SDK1: variants seen among roughly 807,000 people sequenced by gnomAD.
SDK1 encodes the protein protein sidekick-1.
In SDK1, 157 loss-of-function variants were observed where a neutral mutation model predicts 245.5. The ratio of observed to expected loss-of-function variants is 0.64; its 90% CI spans 0.56 to 0.73. The LOEUF (loss-of-function observed/expected upper bound fraction) is 0.73. Among genes scored for constraint, SDK1 ranks in the 30% least tolerant of loss-of-function variants. The pLI is 0.00. For missense variants in SDK1, 3,583 were observed against 3,002.3 expected (o/e 1.19, Z -4.52); for synonymous variants, 1,647 against 1,278.5 (o/e 1.29, Z -6.15).
chr7:4,226,561 C>T (rs1029851798), intron 40 of SDK1, among the ~76,000 whole-genome samples: 1 of 152,216 alleles, frequency 6.6e-6, no homozygotes, highest in Non-Finnish European at 1.5e-5. Flanking sequence ...GAAATTAGCA[C>T]CAGGCTAGAA....
At chr7:3,457,675 C>T (rs1308886279) in intron 1 of SDK1, among the ~76,000 whole-genome samples, 1 of 152,108 alleles carries the variant, frequency 6.6e-6, no homozygotes, top group African/African-American at 2.4e-5. Context: ...ATTTCCTTTT[C>T]CTTTTCTTCC....
At chr7:3,347,481 G>C (rs757204003) in intron 1 of SDK1, among the ~76,000 whole-genome samples, 1 of 152,160 alleles carries the variant, frequency 6.6e-6, no homozygotes, top group Non-Finnish European at 1.5e-5. Flanking sequence ...GATTACTACA[G>C]TCAAGGCTCC....
intron 2 of SDK1, among the ~76,000 whole-genome samples, chr7:3,625,929 C>G (rs1449507255): frequency 1.6e-5 from 2 of 127,766 alleles, no homozygotes; most frequent in Non-Finnish European, 3.3e-5. Flanking sequence ...ATTTTTCTTT[C>G]TTTCTTTTCT....
intron 1 of SDK1, among the ~76,000 whole-genome samples, chr7:3,523,837 C>G (rs986543451): frequency 6.6e-6 from 1 of 152,160 alleles, no homozygotes; most frequent in Non-Finnish European, 1.5e-5. Flanking sequence ...TTCATCTTCA[C>G]CAAGCAGTCT....
intron 5 of SDK1, among the ~76,000 whole-genome samples, chr7:3,910,177 C>T (rs756581762): frequency 1.8e-4 from 27 of 152,176 alleles, no homozygotes; most frequent in Non-Finnish European, 2.5e-4. Context: ...GAATGTGCAG[C>T]GCTTGGTGCC....
intron 2 of SDK1, among the ~76,000 whole-genome samples, chr7:3,630,089 A>G (rs1263948739): frequency 6.6e-6 from 1 of 152,232 alleles, no homozygotes; most frequent in South Asian, 2.1e-4. Context: ...TAAAAGGCAG[A>G]TAGAAAAAAA....
intron 1 of SDK1, among the ~76,000 whole-genome samples, chr7:3,373,013 C>T (rs1284720513): frequency 2.0e-5 from 3 of 152,142 alleles, no homozygotes; most frequent in Non-Finnish European, 4.4e-5. Context: ...AAAGTAACAT[C>T]AAGTAGAGTT....
intron 5 of SDK1, among the ~76,000 whole-genome samples, chr7:3,878,179 A>AT (rs536363696): frequency 7.0e-4 from 107 of 151,810 alleles, no homozygotes; most frequent in Middle Eastern, 3.4e-3. Flanking sequence ...TATCTTTTCA[A>AT]TTTTTTTTTC....
chr7:3,569,570 C>T (rs1307070025), intron 1 of SDK1, among the ~76,000 whole-genome samples: 1 of 152,194 alleles, frequency 6.6e-6, no homozygotes, highest in Non-Finnish European at 1.5e-5. Context: ...TGTCTGTGCC[C>T]ACGGTTCATC....
chr7:3,974,381 G>A lies in SDK1; in HGVS notation c.1830G>A (p.Lys610=), dbSNP rs369903581. ...DPRVSLRYVW[K]KDNVALTPSS... is the part of the protein sequence containing the mutation. ...GCTTGGCCCACAGCTACGTTTGGAA[G>A]AAGGACAACGTGGCCCTGACTCCAT... The change falls in exon 13 of 45, where the codon AAG becomes AAA. Residue 610 remains lysine (K), a synonymous_variant. Coordinates refer to ENST00000404826, the MANE Select transcript of SDK1 (RefSeq NM_152744.4). 1.7e-5 allele frequency: 28 copies of A among 1,612,568 alleles called. No homozygotes were observed. Among genetic ancestry groups the A allele is most frequent in the Non-Finnish European group, 2.4e-5 (28 of 1,178,848 alleles).
intron 5 of SDK1, among the ~76,000 whole-genome samples, chr7:3,903,354 A>G (rs530541257): frequency 6.1e-4 from 93 of 152,214 alleles, no homozygotes; most frequent in Non-Finnish European, 1.1e-3. Context: ...CGTGTTAGCC[A>G]GGATGGTCTC....
intron 16 of SDK1, among the ~76,000 whole-genome samples, chr7:4,014,968 A>G (rs2128150988): frequency 6.6e-6 from 1 of 152,216 alleles, no homozygotes; most frequent in East Asian, 1.9e-4. Flanking sequence ...CAGTGCTGTT[A>G]AGAGTGGCCC....
chr7:4,204,410 C>T (rs1420786218), intron 35 of SDK1, among the ~76,000 whole-genome samples: 1 of 151,978 alleles, frequency 6.6e-6, no homozygotes, highest in Non-Finnish European at 1.5e-5. Context: ...CCATTAACGG[C>T]AGGGTGGGCA....
intron 1 of SDK1, among the ~76,000 whole-genome samples, chr7:3,422,658 C>T (rs1223471021): frequency 2.0e-5 from 3 of 152,066 alleles, no homozygotes; most frequent in Non-Finnish European, 2.9e-5. Flanking sequence ...TTATTTCTTT[C>T]TGTAGCTCTG....
intron 5 of SDK1, among the ~76,000 whole-genome samples, chr7:3,863,856 T>G (rs903985825): frequency 6.6e-6 from 1 of 152,258 alleles, no homozygotes; most frequent in Non-Finnish European, 1.5e-5. Context: ...TTGGGTTGTT[T>G]CTGCCTTTTG....
At chr7:3,628,346 T>G (rs574802318) in intron 2 of SDK1, among the ~76,000 whole-genome samples, 1 of 152,196 alleles carries the variant, frequency 6.6e-6, no homozygotes, top group East Asian at 1.9e-4. Flanking sequence ...ATATACAAAA[T>G]ATATATATTT....
At chr7:4,177,489 C>T (rs769238902) in intron 34 of SDK1, among the ~76,000 whole-genome samples, 6 of 152,226 alleles carry the variant, frequency 3.9e-5, no homozygotes, top group Non-Finnish European at 8.8e-5. Context: ...GACACGGCCG[C>T]TAAGGTCTCA....
intron 4 of SDK1, among the ~76,000 whole-genome samples, chr7:3,749,286 G>T (rs747980013): frequency 6.6e-6 from 1 of 151,296 alleles, no homozygotes; most frequent in Non-Finnish European, 1.5e-5. Flanking sequence ...ACAGGTGTGT[G>T]CCACCACGCC....
chr7:4,026,499 C>T lies in SDK1; in HGVS notation c.2602+9147C>T, dbSNP rs887653878. ...CAGACAGCCTGCCAGGGCCTGCGGG[C>T]TCTCCCCACGTGCTGTGCCCCCACC... On this transcript the variant is annotated intron_variant, in intron 17 of 44. Transcript: ENST00000404826. This position sits in a 1 kb window ranked among gnomAD's most constrained non-coding sequence, Gnocchi z 4.1. Among the ~76,000 whole-genome samples, 3 of 152,346 alleles carry T rather than the reference C, an allele frequency of 2.0e-5. No individual in the cohort carries two copies. In the East Asian group the frequency reaches 5.8e-4, roughly 29 times the overall value.
Sources: gnomAD v4.1 joint callset for allele counts (sites outside exome capture counted in the v4.1 genomes callset) on GRCh38, gnomAD v4.1.1 for gene constraint, Gnocchi (gnomAD v3.1) non-coding constraint, MANE v1.5 for transcripts, NCBI Gene and HGNC (gene_info 2026-07-23, HGNC 2026-07-21) for gene names.